The following AFDN variants were observed in gnomAD, a reference collection of about 807,000 sequenced individuals.
AFDN encodes the protein afadin.
AFDN carries 68 observed loss-of-function variants against 216.6 expected under a neutral mutation model. That is an observed-to-expected ratio of 0.31 (90% CI 0.26 to 0.38). The LOEUF (loss-of-function observed/expected upper bound fraction) is 0.38. Among genes scored for constraint, AFDN ranks in the 10% least tolerant of loss-of-function variants. The pLI is 1.00. For synonymous variants in AFDN, 868 were observed against 853.7 expected (o/e 1.02, Z -0.29); for missense variants, 2,136 against 2,342.0 (o/e 0.91, Z 1.82).
chr6:167,933,415 A>G (rs980144862), intron 23 of AFDN, among the ~76,000 whole-genome samples: 1 of 152,228 alleles, frequency 6.6e-6, no homozygotes, highest in Admixed American at 6.5e-5. Flanking sequence ...AGTTTCTCGC[A>G]TAAACTGTAA....
chr6:167,965,096 TAAG>T, intron 31 of AFDN: 3 of 1,023,050 alleles, frequency 2.9e-6, no homozygotes, highest in African/African-American at 3.4e-5. Flanking sequence ...AAATACAAGT[TAAG>T]AACTATGGAA....
intron 1 of AFDN, among the ~76,000 whole-genome samples, chr6:167,839,658 C>A (rs1218127631): frequency 6.6e-6 from 1 of 152,108 alleles, no homozygotes; most frequent in Non-Finnish European, 1.5e-5. Context: ...TACATGTGTT[C>A]CTTTCTGTCT....
intron 2 of AFDN, among the ~76,000 whole-genome samples, chr6:167,869,029 G>A (rs1254566987): frequency 6.6e-6 from 1 of 151,710 alleles, no homozygotes; most frequent in East Asian, 1.9e-4. Flanking sequence ...ATCCACCTTG[G>A]CCTCCCAAAG....
Position 167,896,961 on chromosome 6 carries a change from A to C in AFDN, c.1306A>C (p.Asn436His), listed in dbSNP as rs1360508547. ...AGTTGGGACAGAAAAGTTGGATGAC[A>C]ACTCTATCCAGGTACGTAGTCTGAG... ...TEVGTEKLDD[N>H]SIQLFGPGIQ... The change falls in exon 10 of 34, where the codon AAC becomes CAC. Residue 436 changes from asparagine (N) to histidine (H), a missense_variant. Coordinates refer to ENST00000683244, the MANE Select transcript of AFDN (RefSeq NM_001386888.1). The C allele has an allele frequency of 6.2e-7, 1 of 1,607,852 alleles. No individual in the cohort carries two copies. The highest frequency in any genetic ancestry group is 2.2e-5 in the East Asian group (1 of 44,834).
intron 5 of AFDN, among the ~76,000 whole-genome samples, chr6:167,878,265 CG>C (rs1785640863): frequency 1.3e-5 from 2 of 152,094 alleles, no homozygotes; most frequent in African/African-American, 4.8e-5. Context: ...ATCTTCAAAA[CG>C]GGGCACTAAC....
In AFDN at chr6:167,859,151, A is replaced by G. The variant is rs183377346; in HGVS notation, c.106-5400A>G. ...GTAAAAATTTTAGGTAATGAAATAC[A>G]TTTCATTTCAAATAGTGTTCTTGAA... On this transcript the variant is annotated intron_variant, in intron 1 of 33. Coordinates refer to ENST00000683244, the MANE Select transcript of AFDN (RefSeq NM_001386888.1). Among the ~76,000 whole-genome samples, 287 of 150,042 alleles carry G rather than the reference A, an allele frequency of 1.9e-3. 1 individual carries two copies. The highest frequency in any genetic ancestry group is 6.5e-4 in the Non-Finnish European group (44 of 67,772).
rs750454957 is a variant in AFDN, at chr6:167,951,463, A to T, written c.4109A>T (p.Asp1370Val). 9.3e-6 allele frequency: 15 copies of T among 1,613,994 alleles called. No individual in the cohort carries two copies. Among genetic ancestry groups the T allele is most frequent in the Non-Finnish European group, 1.3e-5 (15 of 1,180,010 alleles). ...PVAVSQPIRT[D>V]LPPPPPPPPV... ...GCCGTCTCCCAGCCAATCCGAACAGACCTGCCTCCGCCACCCCCGCCACCT... is the reference window on the plus strand; with the variant it reads ...GCCGTCTCCCAGCCAATCCGAACAGTCCTGCCTCCGCCACCCCCGCCACCT... Residue 1370 changes from aspartate (D) to valine (V), a missense_variant, in exon 30 of 34, where the codon GAC becomes GTC. Coordinates refer to ENST00000683244, the MANE Select transcript of AFDN (RefSeq NM_001386888.1). This position sits in a 1 kb window ranked among gnomAD's most constrained non-coding sequence, Gnocchi z 7.1.
intron 13 of AFDN, among the ~76,000 whole-genome samples, chr6:167,909,907 TA>T (rs1235124005): frequency 6.6e-6 from 1 of 152,204 alleles, no homozygotes; most frequent in African/African-American, 2.4e-5. Context: ...AAAGTTGAAC[TA>T]AAATGATAAA....
chr6:167,882,920 A>G (rs1786315341), intron 6 of AFDN, among the ~76,000 whole-genome samples: 1 of 152,134 alleles, frequency 6.6e-6, no homozygotes, highest in Admixed American at 6.6e-5. Flanking sequence ...TCTCAACAGT[A>G]ACTATGGTAT....
At chr6:167,966,681 A>G (rs73036616) in intron 32 of AFDN, among the ~76,000 whole-genome samples, 7,163 of 152,254 alleles carry the variant, frequency 0.047, 264 homozygotes, top group African/African-American at 0.1. Flanking sequence ...TAATTCTATT[A>G]TAAGTTTCCT....
In AFDN at chr6:167,911,395, A is replaced by G. The variant is rs145706511; in HGVS notation, c.1943A>G (p.Asn648Ser). The change falls in exon 15 of 34, where the codon AAC becomes AGC. Residue 648 changes from asparagine to serine, a missense_variant. Around this residue, in one of 8 missense-constraint regions of AFDN, gnomAD observed 817 missense variants for 965.7 expected, o/e 0.85. Transcript: ENST00000683244. ...LYMACRYVLS[N>S]QYRPDISPTE... is the part of the protein sequence containing the mutation. ...ATGGCATGCCGGTATGTATTGTCCA[A>G]CCAGTACAGACCTGACATCAGCCCT... The G allele has an allele frequency of 1.4e-3, 2,300 of 1,614,092 alleles. 4 individuals carry two copies. Among genetic ancestry groups the G allele is most frequent in the Non-Finnish European group, 1.7e-3 (1,972 of 1,179,968 alleles).
intron 23 of AFDN, among the ~76,000 whole-genome samples, chr6:167,933,719 G>C (rs1215753860): frequency 6.6e-6 from 1 of 152,154 alleles, no homozygotes; most frequent in Admixed American, 6.5e-5. Context: ...TTTTTACCTG[G>C]TTTATAATTT....
At chr6:167,860,462 A>G (rs534228346) in intron 1 of AFDN, among the ~76,000 whole-genome samples, 3 of 152,326 alleles carry the variant, frequency 2.0e-5, no homozygotes, top group Non-Finnish European at 4.4e-5. Context: ...CTTGTCCCAG[A>G]AAAGCTATAT....
intron 15 of AFDN, 78 bp from the exon 16 acceptor site, chr6:167,913,324 AT>A (rs1184781090): frequency 7.1e-7 from 1 of 1,410,422 alleles, no homozygotes; most frequent in Non-Finnish European, 9.7e-7. Context: ...TAGTGTTTTG[AT>A]TTTTTTAAAC....
In AFDN at chr6:167,951,751, C is replaced by T; in HGVS notation, c.4397C>T (p.Ala1466Val). The part of the protein sequence containing the change: ...LNPAPFSPLT[A>V]QQMKPEKPST... ...CCTGCTCCGTTTTCTCCCCTGACTG[C>T]ACAGCAGATGAAGCCCGAAAAGCCT... The change falls in exon 30 of 34, where the codon GCA becomes GTA. Residue 1466 changes from alanine to valine, a missense_variant. Around this residue, in one of 8 missense-constraint regions of AFDN, gnomAD observed 981 missense variants for 966.0 expected, o/e 1.02. Transcript: ENST00000683244. The surrounding 1 kb of genome is among the most constrained non-coding windows in gnomAD (Gnocchi z 7.1). 1.2e-6 allele frequency: 2 copies of T among 1,614,168 alleles called. No homozygotes were observed. Among genetic ancestry groups the T allele is most frequent in the South Asian group, 2.2e-5 (2 of 91,086 alleles).
At chr6:167,920,700 T>C (rs2040448) in intron 21 of AFDN, among the ~76,000 whole-genome samples, 44,094 of 152,128 alleles carry the variant, frequency 0.29, 7,385 homozygotes, top group East Asian at 0.6. Flanking sequence ...CCTTACTTCT[T>C]CACCTTGAAA....
chr6:167,917,406 CTAAG>C (rs1177002602), intron 20 of AFDN, among the ~76,000 whole-genome samples, 174 bp downstream of exon 20: 1 of 152,164 alleles, frequency 6.6e-6, no homozygotes, highest in Non-Finnish European at 1.5e-5. Context: ...AACTATACTC[CTAAG>C]TAGAAAGGGA....
chr6:167,928,790 A>G (rs1792900267), intron 23 of AFDN, among the ~76,000 whole-genome samples: 1 of 152,192 alleles, frequency 6.6e-6, no homozygotes, highest in Non-Finnish European at 1.5e-5. Flanking sequence ...AGCCTCTGCT[A>G]ATCCCTAATC....
At position 167,880,512 on chromosome 6, in the gene AFDN, G is replaced by A. The variant is rs764123133; in HGVS notation, c.892G>A (p.Ala298Thr). The A allele has an allele frequency of 6.8e-6, 11 of 1,613,058 alleles. No homozygotes were observed. The highest frequency in any genetic ancestry group is 1.3e-5 in the African/African-American group (1 of 74,856). Reference protein sequence around the residue: ...EKENPKDYCIARVMLPPGAQH... With the variant: ...EKENPKDYCITRVMLPPGAQH... ...AGAAAACCCTAAGGATTACTGCATCGCCCGGGTAAGGAACTTTATCAAATC... is the reference window on the plus strand; with the variant it reads ...AGAAAACCCTAAGGATTACTGCATCACCCGGGTAAGGAACTTTATCAAATC... The change falls in exon 6 of 34, where the codon GCC becomes ACC. Residue 298 changes from alanine (A) to threonine (T), a missense_variant. Coordinates refer to ENST00000683244, the MANE Select transcript of AFDN (RefSeq NM_001386888.1).
Sources: gnomAD v4.1 joint callset for allele counts (sites outside exome capture counted in the v4.1 genomes callset) on GRCh38, gnomAD v4.1.1 for gene constraint, gnomAD v4.1.1 regional missense constraint, Gnocchi (gnomAD v3.1) non-coding constraint, MANE v1.5 for transcripts, NCBI Gene and HGNC (gene_info 2026-07-23, HGNC 2026-07-21) for gene names.